Variants in PDE11A observed in about 807,000 individuals in gnomAD.
PDE11A encodes phosphodiesterase 11A.
PDE11A carries 100 observed loss-of-function variants against 100.5 expected under a neutral mutation model. The ratio of observed to expected loss-of-function variants is 1.00; its 90% CI spans 0.85 to 1.18. PDE11A has a LOEUF of 1.18. Among genes scored for constraint, PDE11A ranks in the 50% most tolerant of loss-of-function variants. PDE11A has a pLI of 0.00. For synonymous variants in PDE11A, 381 were observed against 420.8 expected, an observed-to-expected ratio of 0.91 and a Z score of 1.16; for missense variants, 1,141 against 1,152.6, an observed-to-expected ratio of 0.99 and a Z score of 0.15.
intron 2 of PDE11A, among the ~76,000 whole-genome samples, chr2:177,987,831 G>A (rs1485766106): frequency 6.6e-6 from 1 of 152,042 alleles, no homozygotes; most frequent in Non-Finnish European, 1.5e-5. Flanking sequence ...AGAACCAGGC[G>A]ATATTCTTTT....
intron 5 of PDE11A, among the ~76,000 whole-genome samples, chr2:177,851,135 C>T (rs929275991): frequency 1.7e-4 from 26 of 152,164 alleles, no homozygotes; most frequent in Admixed American, 5.9e-4. Flanking sequence ...TGGAACCAAC[C>T]CAAATGTCCA....
At chr2:177,752,535 C>T (rs1236843905) in intron 10 of PDE11A, among the ~76,000 whole-genome samples, 1 of 152,154 alleles carries the variant, frequency 6.6e-6, no homozygotes, top group East Asian at 1.9e-4. Context: ...ATTTACTTTC[C>T]ATTAGACGCA....
In PDE11A at chr2:177,625,084, T is replaced by C. The variant is rs1037805404; in HGVS notation, c.*4323A>G. The C allele has an allele frequency of 2.0e-5, 3 of 152,586 alleles. No individual in the cohort carries two copies. The highest frequency in any genetic ancestry group is 6.5e-5 in the Admixed American group (1 of 15,284). 9.5% of individuals were successfully genotyped at this position (152,586 alleles called of 1,614,324 possible). Reference sequence around the variant, plus strand: ...GACCCTGTCTCAAAAAAAGGACATATCTTTTTTTAAATTGTATTGATGACT... The same window carrying C: ...GACCCTGTCTCAAAAAAAGGACATACCTTTTTTTAAATTGTATTGATGACT... On this transcript the variant is annotated 3_prime_UTR_variant, in exon 20 of 20. Transcript: ENST00000286063.
chr2:178,103,375 A>C (rs2087583088), intron 2 of PDE11A, among the ~76,000 whole-genome samples: 1 of 152,178 alleles, frequency 6.6e-6, no homozygotes, highest in Non-Finnish European at 1.5e-5. Context: ...GGGGGAATGC[A>C]GAGTGATTAC....
intron 19 of PDE11A, among the ~76,000 whole-genome samples, chr2:177,654,233 G>A (rs571180283): frequency 6.6e-6 from 1 of 152,296 alleles, no homozygotes; most frequent in Non-Finnish European, 1.5e-5. Context: ...AAAGGATAAT[G>A]TGAAAGTTGG....
intron 9 of PDE11A, among the ~76,000 whole-genome samples, chr2:177,792,181 A>G (rs2082642916): frequency 1.3e-5 from 2 of 152,162 alleles, no homozygotes; most frequent in South Asian, 4.1e-4. Context: ...AGGTTATTAA[A>G]TGTATTAATG....
In PDE11A at chr2:177,675,424, C is replaced by T. The variant is rs771940773; in HGVS notation, c.2487+31G>A. On this transcript the variant is annotated intron_variant, in intron 17 of 19. Coordinates refer to ENST00000286063, the MANE Select transcript of PDE11A (RefSeq NM_016953.4). ...CCCCTTACGCCCCCCAGTCCCTCCT[C>T]TGCTGAGCCCTGCCATTAATCACCA... 4 of 1,558,272 alleles carry T rather than the reference C, an allele frequency of 2.6e-6. No homozygotes were observed. In the Admixed American group the frequency reaches 5.0e-5, roughly 20 times the overall value.
intron 19 of PDE11A, among the ~76,000 whole-genome samples, chr2:177,663,169 C>T (rs1025454039): frequency 1.3e-5 from 2 of 151,128 alleles, no homozygotes; most frequent in East Asian, 1.9e-4. Flanking sequence ...AGCCCTGATC[C>T]GCACTCAAAA....
At chr2:177,967,853 T>C (rs981362759) in intron 2 of PDE11A, among the ~76,000 whole-genome samples, 1 of 152,218 alleles carries the variant, frequency 6.6e-6, no homozygotes, top group African/African-American at 2.4e-5. Context: ...GGTACTGTTA[T>C]TATTGCCATA....
chr2:177,994,635 C>G, intron 2 of PDE11A, among the ~76,000 whole-genome samples: 1 of 152,162 alleles, frequency 6.6e-6, no homozygotes, highest in East Asian at 1.9e-4. Context: ...GCTGAGGGAA[C>G]AAAAACCCTT....
chr2:177,877,207 C>T lies in PDE11A; in HGVS notation c.1303-1284G>A, dbSNP rs537923736. Among the ~76,000 whole-genome samples the T allele has an allele frequency of 1.5e-4, 22 of 145,268 alleles. 3 individuals carry two copies. The South Asian group carries it at 2.5e-3, about 16-fold the overall frequency. On this transcript the variant is annotated intron_variant, in intron 4 of 19. Transcript: ENST00000286063. ...TTGGACAGGTTCTCACTCTGTCGCA[C>T]AGGCTGGAGTGCAGTGGCCCAATCT...
intron 19 of PDE11A, among the ~76,000 whole-genome samples, chr2:177,636,395 A>G (rs1164444419): frequency 7.9e-5 from 12 of 152,176 alleles, no homozygotes; most frequent in Non-Finnish European, 1.6e-4. Flanking sequence ...ACTTGAATCT[A>G]CTGAAATCTC....
At chr2:177,937,911 A>C (rs13007759) in intron 2 of PDE11A, among the ~76,000 whole-genome samples, 13,169 of 152,250 alleles carry the variant, frequency 0.086, 542 homozygotes, top group South Asian at 0.1. Context: ...AAAGACACTG[A>C]CATAAACACT....
Position 177,819,375 on chromosome 2 carries a change from T to C in PDE11A, c.1576+845A>G, listed in dbSNP as rs566820517. Among the ~76,000 whole-genome samples, 11 of 152,148 alleles carry C rather than the reference T, an allele frequency of 7.2e-5. No individual in the cohort carries two copies. In the South Asian group the frequency reaches 2.3e-3, roughly 32 times the overall value. The stretch of plus-strand genomic sequence containing the variant: ...TTAGGGGGAAGCAGAGAAAGGCAAA[T>C]GGATGCATTAGTTACCAAATGAATT... On this transcript the variant is annotated intron_variant, in intron 7 of 19. Transcript: ENST00000286063.
intron 2 of PDE11A, among the ~76,000 whole-genome samples, chr2:177,917,921 G>T (rs1228185966): frequency 2.0e-5 from 3 of 152,052 alleles, no homozygotes; most frequent in Non-Finnish European, 4.4e-5. Flanking sequence ...ATGAAAATAT[G>T]CTTAGAGCAT....
At chr2:177,697,030 G>C (rs1275457556) in intron 15 of PDE11A, among the ~76,000 whole-genome samples, 1 of 152,148 alleles carries the variant, frequency 6.6e-6, no homozygotes, top group African/African-American at 2.4e-5. Context: ...GTCTTAAATA[G>C]CAATATTAGC....
chr2:177,917,890 G>C (rs1157517007), intron 2 of PDE11A, among the ~76,000 whole-genome samples: 2 of 151,978 alleles, frequency 1.3e-5, no homozygotes, highest in Admixed American at 6.6e-5. Flanking sequence ...TTCTCCAGTG[G>C]AGTTTAAAAC....
At chr2:178,104,541 G>GA (rs2087597175) in intron 1 of PDE11A, 8 of 1,369,940 alleles carry the variant, frequency 5.8e-6, no homozygotes, top group Admixed American at 5.4e-5. Context: ...AAGCCGGGGA[G>GA]AAAAAAGAAT....
chr2:177,991,379 T>TA (rs1297044461), intron 2 of PDE11A, among the ~76,000 whole-genome samples: 4 of 150,214 alleles, frequency 2.7e-5, no homozygotes, highest in East Asian at 2.0e-4. Flanking sequence ...CTCACGCCTG[T>TA]AATCCCAGCA....
Sources: gnomAD v4.1 joint callset for allele counts (sites outside exome capture counted in the v4.1 genomes callset) on GRCh38, gnomAD v4.1.1 for gene constraint, MANE v1.5 for transcripts, NCBI Gene and HGNC (gene_info 2026-07-23, HGNC 2026-07-21) for gene names.